EML1: variants seen among roughly 807,000 people sequenced by gnomAD.
The protein encoded by EML1 is EMAP like 1.
In EML1, 27 loss-of-function variants were observed where a neutral mutation model predicts 110.4. The observed-to-expected ratio is 0.24, with a 90% confidence interval of 0.18 to 0.34. The LOEUF (loss-of-function observed/expected upper bound fraction) is 0.34. Among genes scored for constraint, EML1 ranks in the 10% least tolerant of loss-of-function variants. EML1 has a pLI of 1.00. For synonymous variants in EML1, 344 were observed against 385.8 expected (o/e 0.89, Z 1.27); for missense variants, 741 against 1,030.9 (o/e 0.72, Z 3.85).
chr14:99,897,333 C>A (rs752348979), intron 7 of EML1, 39 bp downstream of exon 7: 7 of 1,558,108 alleles, frequency 4.5e-6, no homozygotes, highest in Non-Finnish European at 6.1e-6. Flanking sequence ...ACTCAGAAGG[C>A]GAAGGTAGGA....
intron 2 of EML1, among the ~76,000 whole-genome samples, chr14:99,864,788 A>G (rs1300864771): frequency 6.7e-6 from 1 of 150,132 alleles, no homozygotes; most frequent in Admixed American, 6.7e-5. Flanking sequence ...CTGAGCAACA[A>G]GAGTGAAACT....
At chr14:99,762,833 T>C (rs1285045594) in intron 1 of EML1, among the ~76,000 whole-genome samples, 1 of 152,068 alleles carries the variant, frequency 6.6e-6, no homozygotes, top group African/African-American at 2.4e-5. Context: ...ACTAGAGACA[T>C]GGAGAAACTG....
Position 99,910,367 on chromosome 14 carries a change from A to G in EML1, c.1339+26A>G, listed in dbSNP as rs199673475. ...GTAATAAGTGATTGTTCCCAAAACC[A>G]ATGGTTTTTGGTAATGTTGTAAGAG... On this transcript the variant is annotated intron_variant, in intron 12 of 21. Transcript: ENST00000262233. 706 of 1,572,540 alleles carry G rather than the reference A, an allele frequency of 4.5e-4. 2 individuals are homozygous for G. Among genetic ancestry groups the G allele is most frequent in the Admixed American group, 7.3e-4 (42 of 57,646 alleles).
intron 17 of EML1, among the ~76,000 whole-genome samples, chr14:99,925,384 C>A (rs867467113): frequency 7.2e-5 from 11 of 151,998 alleles, no homozygotes; most frequent in Middle Eastern, 3.4e-3. Context: ...CCTCAGCCTC[C>A]AAGTAGCTGG....
intron 1 of EML1, among the ~76,000 whole-genome samples, chr14:99,766,565 G>C (rs765809774): frequency 7.9e-5 from 12 of 152,100 alleles, no homozygotes; most frequent in Non-Finnish European, 1.6e-4. Context: ...CAATTTTAGG[G>C]GGGCTTCCCA....
rs1330030730 is a variant in EML1, at chr14:99,936,067, A to G, written c.1948A>G (p.Ile650Val). The change falls in exon 18 of 22, where the codon ATC (isoleucine) becomes GTC (valine). Residue 650 changes from isoleucine (I) to valine (V), a missense_variant. Ile to Val is a conservative substitution (Grantham distance 29). This residue lies in a region of EML1 where 388 missense variants were observed against 605.6 expected (regional missense o/e 0.64). Coordinates refer to ENST00000262233, the MANE Select transcript of EML1 (RefSeq NM_004434.3). The surrounding 1 kb of genome is among the most constrained non-coding windows in gnomAD (Gnocchi z 5.5). ...FLAIGSHDNC[I>V]YIYGVSDNGR... Reference sequence around the variant, plus strand: ...AGCCATAGGCTCACATGACAACTGCATCTATATATATGGCGTTAGTGACAA... The same window carrying G: ...AGCCATAGGCTCACATGACAACTGCGTCTATATATATGGCGTTAGTGACAA... 1.2e-6 allele frequency: 2 copies of G among 1,614,138 alleles called. No individual in the cohort carries two copies. Among genetic ancestry groups the G allele is most frequent in the South Asian group, 1.1e-5 (1 of 91,088 alleles).
chr14:99,790,774 C>G (rs1271117264), upstream of EML1, among the ~76,000 whole-genome samples: 1 of 152,098 alleles, frequency 6.6e-6, no homozygotes, highest in Non-Finnish European at 1.5e-5. Context: ...CTGTGCCAGG[C>G]GGGCGCAAGA....
chr14:99,870,465 A>G (rs1423666568), intron 3 of EML1, among the ~76,000 whole-genome samples: 1 of 152,268 alleles, frequency 6.6e-6, no homozygotes, highest in Non-Finnish European at 1.5e-5. Flanking sequence ...TGGTGAAAGC[A>G]GCTACACTAA....
At chr14:99,909,982 T>C (rs1254247781) in intron 11 of EML1, among the ~76,000 whole-genome samples, 1 of 152,138 alleles carries the variant, frequency 6.6e-6, no homozygotes, top group African/African-American at 2.4e-5. Context: ...CCTCCTCCGC[T>C]TGCTGTCTGC....
chr14:99,741,893 C>A (rs2057046951), intron 1 of EML1, among the ~76,000 whole-genome samples: 2 of 152,116 alleles, frequency 1.3e-5, no homozygotes, highest in Admixed American at 1.3e-4. Context: ...TATGGGAACA[C>A]CTCTGAGATG....
At chr14:99,799,114 C>T (rs1027614024) in intron 1 of EML1, among the ~76,000 whole-genome samples, 4 of 152,188 alleles carry the variant, frequency 2.6e-5, no homozygotes, top group Non-Finnish European at 4.4e-5. Context: ...GCTTCTTCTC[C>T]TGCAGGTGCT....
intron 4 of EML1, among the ~76,000 whole-genome samples, chr14:99,887,529 AT>A (rs11331246): frequency 0.27 from 40,928 of 151,940 alleles, 6,011 homozygotes; most frequent in Non-Finnish European, 0.33. Flanking sequence ...AGGACTGGGC[AT>A]TCTCCCCCGC....
At chr14:99,874,869 C>T (rs1440256138) in intron 3 of EML1, 2 of 1,482,800 alleles carry the variant, frequency 1.3e-6, no homozygotes, top group Non-Finnish European at 1.8e-6. Flanking sequence ...AAATACTTTT[C>T]CACGCTTTTA....
At chr14:99,865,391 T>A (rs1012184616) in intron 2 of EML1, 123 bp from the exon 3 acceptor site, 1 of 1,248,498 alleles carries the variant, frequency 8.0e-7, no homozygotes, top group African/African-American at 1.5e-5. Context: ...GCTCACTCGC[T>A]CACTGCTCAC....
chr14:99,745,452 A>G (rs1184923052), intron 1 of EML1, among the ~76,000 whole-genome samples: 1 of 152,244 alleles, frequency 6.6e-6, no homozygotes, highest in Non-Finnish European at 1.5e-5. Context: ...AAAACTTTAC[A>G]GTATAACAGA....
intron 4 of EML1, chr14:99,886,123 T>A (rs1205580794): frequency 3.9e-6 from 1 of 259,598 alleles, no homozygotes; most frequent in Admixed American, 5.2e-5. Context: ...AGAGTCATTA[T>A]TTCCATGGTG....
chr14:99,932,670 G>A (rs1231121771), intron 17 of EML1, among the ~76,000 whole-genome samples: 1 of 149,082 alleles, frequency 6.7e-6, no homozygotes, highest in Admixed American at 6.7e-5. Context: ...AAAAGATATG[G>A]CGATGGTGAT....
intron 4 of EML1, among the ~76,000 whole-genome samples, chr14:99,890,703 G>T (rs1566921091): frequency 6.6e-6 from 1 of 152,140 alleles, no homozygotes; most frequent in Non-Finnish European, 1.5e-5. Context: ...CCACACCCTG[G>T]TGTTCCCCGC....
intron 1 of EML1, among the ~76,000 whole-genome samples, chr14:99,845,816 C>T (rs548080602): frequency 2.6e-5 from 4 of 151,898 alleles, no homozygotes; most frequent in Non-Finnish European, 2.9e-5. Flanking sequence ...TTTGGGAAGC[C>T]GAGGTGGTTG....
Sources: allele counts gnomAD v4.1 joint callset (sites outside exome capture counted in the v4.1 genomes callset), GRCh38; gene constraint gnomAD v4.1.1; regional missense constraint gnomAD v4.1.1; non-coding constraint Gnocchi (gnomAD v3.1); transcripts MANE v1.5; gene names NCBI Gene and HGNC (gene_info 2026-07-23, HGNC 2026-07-21).